Variants in FCHSD2 observed in about 807,000 individuals in gnomAD.
The protein encoded by FCHSD2 is FCH and double SH3 domains 2, also known as F-BAR and double SH3 domains protein 2.
FCHSD2 carries 38 observed loss-of-function variants against 108.1 expected under a neutral mutation model. The observed-to-expected ratio is 0.35, with a 90% CI of 0.27 to 0.46. The LOEUF is 0.46. FCHSD2 is among the 20% of genes least tolerant of loss of function. FCHSD2 has a pLI of 1.00. For synonymous variants in FCHSD2, 279 were observed against 314.7 expected (o/e 0.89, Z 1.20); for missense variants, 751 against 897.8 (o/e 0.84, Z 2.09).
At chr11:73,128,888 T>C (rs1392981066) in intron 2 of FCHSD2, among the ~76,000 whole-genome samples, 1 of 152,236 alleles carries the variant, frequency 6.6e-6, no homozygotes, top group Non-Finnish European at 1.5e-5. Context: ...TATTTTCTTT[T>C]TGAGACAGAG....
rs562461078 is a variant in FCHSD2 at position 72,845,543 on chromosome 11, C to T, written c.1444-2011G>A. 5.9e-5 allele frequency among the ~76,000 whole-genome samples: 9 copies of T among 152,048 alleles called. No homozygotes were observed. The South Asian group carries it at 1.5e-3, about 25-fold the overall frequency. ...ACTAGTTGTCCAATGTAAGCAGACACTAGCTTGATCATCCCATCCTAAAGC... is the reference window on the plus strand; with the variant it reads ...ACTAGTTGTCCAATGTAAGCAGACATTAGCTTGATCATCCCATCCTAAAGC... On this transcript the variant is annotated intron_variant, in intron 14 of 19. Coordinates refer to ENST00000409418, the MANE Select transcript of FCHSD2 (RefSeq NM_014824.3).
At chr11:73,006,797 T>C (rs746153612) in intron 4 of FCHSD2, among the ~76,000 whole-genome samples, 1 of 152,246 alleles carries the variant, frequency 6.6e-6, no homozygotes, top group African/African-American at 2.4e-5. Context: ...AGAAGCTCTG[T>C]TTCATTCACT....
intron 2 of FCHSD2, among the ~76,000 whole-genome samples, chr11:73,086,927 A>G (rs1188628314): frequency 6.6e-6 from 1 of 152,250 alleles, no homozygotes; most frequent in Non-Finnish European, 1.5e-5. Context: ...CCTTAAGAAT[A>G]TTATGCAAGG....
At chr11:72,924,741 A>G (rs1221834295) in intron 8 of FCHSD2, among the ~76,000 whole-genome samples, 1 of 150,140 alleles carries the variant, frequency 6.7e-6, no homozygotes, top group East Asian at 1.9e-4. Context: ...ATAAAGCTGC[A>G]CCTTCTATAG....
chr11:72,967,866 C>T (rs1048074792), intron 8 of FCHSD2, among the ~76,000 whole-genome samples: 3 of 151,638 alleles, frequency 2.0e-5, no homozygotes, highest in Non-Finnish European at 2.9e-5. Context: ...CCGAGGCGGG[C>T]GGATCACGAG....
chr11:73,023,252 G>T (rs182034340), intron 3 of FCHSD2, among the ~76,000 whole-genome samples: 33 of 152,054 alleles, frequency 2.2e-4, no homozygotes, highest in Admixed American at 3.9e-4. Context: ...AGAATAAAAA[G>T]ACAAGCTGCA....
At chr11:73,040,582 T>A (rs1340914476) in intron 3 of FCHSD2, among the ~76,000 whole-genome samples, 1 of 152,198 alleles carries the variant, frequency 6.6e-6, no homozygotes, top group Non-Finnish European at 1.5e-5. Context: ...GAACAAACTT[T>A]CGGTTTTACA....
At chr11:73,000,105 G>GCTA (rs2135416809) in intron 5 of FCHSD2, among the ~76,000 whole-genome samples, 1 of 152,230 alleles carries the variant, frequency 6.6e-6, no homozygotes, top group African/African-American at 2.4e-5. Context: ...TTGATTTCAT[G>GCTA]CTACTAGAAT....
intron 8 of FCHSD2, chr11:72,941,260 T>C (rs897098197): frequency 5.2e-6 from 1 of 191,732 alleles, no homozygotes; most frequent in Non-Finnish European, 1.1e-5. Flanking sequence ...AAATGACACA[T>C]AGAATGACAG....
At chr11:72,844,000 C>T (rs184017366) in intron 14 of FCHSD2, among the ~76,000 whole-genome samples, 6 of 152,076 alleles carry the variant, frequency 3.9e-5, no homozygotes, top group African/African-American at 4.8e-5. Flanking sequence ...AGAGCGAGAC[C>T]CTGTCTCTAA....
chr11:72,889,838 G>T lies in FCHSD2; in HGVS notation c.1032C>A (p.His344Gln). 1 of 1,600,762 alleles carries T rather than the reference G, an allele frequency of 6.2e-7. No homozygotes were observed. The highest frequency in any genetic ancestry group is 8.6e-7 in the Non-Finnish European group (1 of 1,167,936). ...RVAREHKNIV[H>Q]QQRVLNDLEC... is the part of the protein sequence containing the mutation. ...TTTCTCTTACACTTACCCGTTGTTG[G>T]TGAACAATGTTTTTATGCTCACGTG... The change falls in exon 11 of 20, where the codon CAC (histidine) becomes CAA (glutamine). Residue 344 changes from histidine (H) to glutamine (Q), a missense_variant. Transcript: ENST00000409418.
chr11:72,916,324 T>A (rs1018765402), intron 9 of FCHSD2, among the ~76,000 whole-genome samples: 39 of 148,054 alleles, frequency 2.6e-4, no homozygotes, highest in African/African-American at 9.5e-4. Flanking sequence ...TTTTTTTTTT[T>A]AAAGAGACAG....
intron 3 of FCHSD2, among the ~76,000 whole-genome samples, chr11:73,074,448 C>T (rs1015792659): frequency 5.3e-5 from 8 of 151,966 alleles, no homozygotes; most frequent in Admixed American, 2.0e-4. Context: ...ATATCACATA[C>T]GAAAATTTAC....
At chr11:72,842,568 G>A (rs1293396777) in intron 17 of FCHSD2, 53 bp downstream of exon 17, 1 of 1,607,646 alleles carries the variant, frequency 6.2e-7, no homozygotes, top group Non-Finnish European at 8.5e-7. Context: ...AGACCCTTTG[G>A]GAGCAATTTT....
At chr11:73,092,497 T>C in intron 2 of FCHSD2, among the ~76,000 whole-genome samples, 1 of 152,186 alleles carries the variant, frequency 6.6e-6, no homozygotes, top group East Asian at 1.9e-4. Context: ...GAATTGACTA[T>C]GGAGCTCCTT....
chr11:73,070,790 C>T (rs79746021), intron 3 of FCHSD2, among the ~76,000 whole-genome samples: 10,648 of 151,654 alleles, frequency 0.07, 504 homozygotes, highest in South Asian at 0.15. Context: ...GACCTTAGAG[C>T]GTCACCATTC....
At chr11:72,939,295 C>A (rs183105172) in intron 8 of FCHSD2, among the ~76,000 whole-genome samples, 9 of 152,214 alleles carry the variant, frequency 5.9e-5, no homozygotes, top group Admixed American at 5.9e-4. Context: ...GTAATTCCCC[C>A]CTAAAAATTG....
chr11:72,944,954 T>C (rs1230429597), intron 8 of FCHSD2, among the ~76,000 whole-genome samples: 1 of 152,002 alleles, frequency 6.6e-6, no homozygotes, highest in Admixed American at 6.6e-5. Context: ...AGAATCAATA[T>C]CGTGAAAATG....
intron 2 of FCHSD2, among the ~76,000 whole-genome samples, chr11:73,128,919 T>C (rs1860923027): frequency 6.6e-6 from 1 of 152,224 alleles, no homozygotes; most frequent in Admixed American, 6.5e-5. Context: ...TTGCCCAGGC[T>C]GGAGTGTAGT....
Sources: allele counts gnomAD v4.1 joint callset (sites outside exome capture counted in the v4.1 genomes callset), GRCh38; gene constraint gnomAD v4.1.1; transcripts MANE v1.5; gene names NCBI Gene and HGNC (gene_info 2026-07-23, HGNC 2026-07-21).